The following SEMA6D variants were observed in gnomAD, a reference collection of about 807,000 sequenced individuals.
SEMA6D encodes semaphorin 6D.
SEMA6D carries 35 observed loss-of-function variants against 106.6 expected under a neutral mutation model. The ratio of observed to expected loss-of-function variants is 0.33; its 90% CI spans 0.25 to 0.44. The LOEUF is 0.44. SEMA6D is among the 20% of genes least tolerant of loss of function. The pLI is 1.00. For missense variants in SEMA6D, 1,185 were observed against 1,345.9 expected, an observed-to-expected ratio of 0.88 and a Z score of 1.87; for synonymous variants, 499 against 487.7, an observed-to-expected ratio of 1.02 and a Z score of -0.31.
chr15:47,719,808 C>G (rs2079314250), intron 1 of SEMA6D, among the ~76,000 whole-genome samples: 1 of 152,200 alleles, frequency 6.6e-6, no homozygotes, highest in Non-Finnish European at 1.5e-5. Flanking sequence ...AATCCCCTTA[C>G]TCTCTTAGGT....
intron 1 of SEMA6D, among the ~76,000 whole-genome samples, chr15:47,199,265 C>T (rs1322820209): frequency 1.3e-5 from 2 of 152,158 alleles, no homozygotes; most frequent in East Asian, 3.9e-4. Flanking sequence ...CAGATGGTTT[C>T]AGCTGCTCTC....
chr15:47,210,815 C>T (rs1315894189), intron 1 of SEMA6D, among the ~76,000 whole-genome samples: 1 of 148,688 alleles, frequency 6.7e-6, no homozygotes, highest in Non-Finnish European at 1.5e-5. Flanking sequence ...GTGAATCTGG[C>T]TGCGAAAATG....
At chr15:47,734,914 GTTTTTAAAATATAAAATCAAATTGATTGA>G (rs2146826782) in intron 1 of SEMA6D, among the ~76,000 whole-genome samples, 1 of 152,230 alleles carries the variant, frequency 6.6e-6, no homozygotes, top group South Asian at 2.1e-4. Flanking sequence ...CAGTTTGGTG[GTTTTTAAAATATAAAATCAAATTGATTGA>G]GCACTGTTAT....
At chr15:47,240,149 C>T (rs2032816595) in intron 1 of SEMA6D, among the ~76,000 whole-genome samples, 1 of 152,094 alleles carries the variant, frequency 6.6e-6, no homozygotes, top group Non-Finnish European at 1.5e-5. Flanking sequence ...GTCCGTGTAC[C>T]AGCTTTCTAC....
Position 47,764,964 on chromosome 15 carries a change from T to G in SEMA6D, c.1335T>G (p.Ala445=), listed in dbSNP as rs1186649446. The change falls in exon 13 of 19, where the codon GCT becomes GCG. Residue 445 remains alanine, a synonymous_variant. Transcript: ENST00000536845. Reference sequence around the variant, plus strand: ...CAGTCATCTTTGTTGGCTCTGAAGCTGGCATGGTACTTAAAGTTCTGGCAA... The same window carrying G: ...CAGTCATCTTTGTTGGCTCTGAAGCGGGCATGGTACTTAAAGTTCTGGCAA... ...NYTVIFVGSE[A]GMVLKVLAKT... 3 of 1,613,862 alleles carry G rather than the reference T, an allele frequency of 1.9e-6. No individual in the cohort carries two copies. Among genetic ancestry groups the G allele is most frequent in the Non-Finnish European group, 2.5e-6 (3 of 1,179,890 alleles).
At chr15:47,227,938 T>TATATATATTTTTATATGTAAGAATC (rs1566938447) in intron 1 of SEMA6D, among the ~76,000 whole-genome samples, 2 of 143,588 alleles carry the variant, frequency 1.4e-5, no homozygotes, top group African/African-American at 5.0e-5. Context: ...ATAAGAATCT[T>TATATATATTTTTATATGTAAGAATC]ATATATATTT....
At chr15:47,555,410 C>A (rs2045887513) in intron 3 of SEMA6D, among the ~76,000 whole-genome samples, 1 of 152,146 alleles carries the variant, frequency 6.6e-6, no homozygotes, top group Admixed American at 6.6e-5. Context: ...ATATTAATGG[C>A]ACATAATATC....
chr15:47,479,119 G>T (rs1168757251), intron 3 of SEMA6D, among the ~76,000 whole-genome samples: 1 of 152,116 alleles, frequency 6.6e-6, no homozygotes. Flanking sequence ...ATCATTCTAT[G>T]CATCCAAAGT....
intron 4 of SEMA6D, among the ~76,000 whole-genome samples, chr15:47,634,766 G>A (rs775622127): frequency 1.1e-4 from 17 of 150,684 alleles, no homozygotes; most frequent in South Asian, 2.1e-4. Context: ...ATCAGTTTCC[G>A]TGTCCATGGA....
intron 1 of SEMA6D, among the ~76,000 whole-genome samples, chr15:47,222,738 T>G (rs536970951): frequency 6.6e-6 from 1 of 152,214 alleles, no homozygotes; most frequent in African/African-American, 2.4e-5. Context: ...TAATTAACCA[T>G]GCAGAACTGG....
chr15:47,287,106 G>A (rs983161095), intron 1 of SEMA6D, among the ~76,000 whole-genome samples: 7 of 152,092 alleles, frequency 4.6e-5, no homozygotes, highest in African/African-American at 1.7e-4. Flanking sequence ...TAGGACTTAG[G>A]CAATGAAAAC....
chr15:47,639,752 T>A (rs577987408), intron 4 of SEMA6D, among the ~76,000 whole-genome samples: 101 of 152,294 alleles, frequency 6.6e-4, no homozygotes, highest in African/African-American at 2.4e-3. Context: ...ACCCTAGTCT[T>A]ATCATGAGAA....
intron 4 of SEMA6D, among the ~76,000 whole-genome samples, chr15:47,668,495 C>G (rs1018937904): frequency 2.0e-5 from 3 of 152,152 alleles, no homozygotes; most frequent in African/African-American, 4.8e-5. Context: ...TCATACATCT[C>G]AGAAATTACA....
intron 1 of SEMA6D, chr15:47,718,502 A>G (rs1359269591): frequency 6.6e-6 from 1 of 151,134 alleles, no homozygotes; most frequent in Non-Finnish European, 1.5e-5. Context: ...GCCGCTTCCC[A>G]CCGTCCCTCT....
At chr15:47,546,807 C>T (rs1202493620) in intron 3 of SEMA6D, among the ~76,000 whole-genome samples, 1 of 151,938 alleles carries the variant, frequency 6.6e-6, no homozygotes, top group Non-Finnish European at 1.5e-5. Context: ...AGCTACCTTC[C>T]AGTAAGATGA....
At chr15:47,728,033 T>G (rs2079876101) in intron 1 of SEMA6D, among the ~76,000 whole-genome samples, 1 of 152,226 alleles carries the variant, frequency 6.6e-6, no homozygotes, top group African/African-American at 2.4e-5. Context: ...CCATCATCAT[T>G]TGGCTTTATC....
chr15:47,524,195 C>T (rs919938856), intron 3 of SEMA6D, among the ~76,000 whole-genome samples: 1 of 152,114 alleles, frequency 6.6e-6, no homozygotes, highest in Admixed American at 6.5e-5. Flanking sequence ...TGCTGCATGG[C>T]GAATGTTGCC....
intron 3 of SEMA6D, among the ~76,000 whole-genome samples, chr15:47,593,405 CAAAAAAAAAAAAAAA>C (rs35561269): frequency 1.7e-5 from 1 of 59,970 alleles, no homozygotes; most frequent in Admixed American, 2.4e-4. Context: ...AACTCCGTCT[CAAAAAAAAAAAAAAA>C]AAAAAAAAAA....
intron 2 of SEMA6D, among the ~76,000 whole-genome samples, chr15:47,422,491 A>G (rs751467276): frequency 6.6e-6 from 1 of 152,054 alleles, no homozygotes; most frequent in Non-Finnish European, 1.5e-5. Context: ...CTCTTTGGTC[A>G]TCTTTTCACA....
Sources: gnomAD v4.1 joint callset for allele counts (sites outside exome capture counted in the v4.1 genomes callset) on GRCh38, gnomAD v4.1.1 for gene constraint, MANE v1.5 for transcripts, NCBI Gene and HGNC (gene_info 2026-07-23, HGNC 2026-07-21) for gene names.